Variants in WBP4 observed in about 807,000 individuals in gnomAD.
WBP4 encodes the protein WW domain-binding protein 4.
A neutral mutation model predicts 55.4 loss-of-function variants in WBP4; 37 were observed. That is an observed-to-expected ratio of 0.67 (90% CI 0.51 to 0.88). WBP4 has a LOEUF of 0.88. Among genes scored for constraint, WBP4 ranks in the 40% least tolerant of loss-of-function variants. WBP4 has a pLI of 0.00. For missense variants in WBP4, 398 were observed against 420.8 expected, an observed-to-expected ratio of 0.95 and a Z score of 0.47; for synonymous variants, 142 against 140.2, an observed-to-expected ratio of 1.01 and a Z score of -0.09.
chr13:41,062,147 T>C, intron 1 of WBP4: 1 of 554,116 alleles, frequency 1.8e-6, no homozygotes, highest in South Asian at 8.1e-5. Flanking sequence ...CGAAGTCCCA[T>C]GGCTTTTCCA....
intron 8 of WBP4, among the ~76,000 whole-genome samples, chr13:41,079,545 A>G (rs868086255): frequency 0.011 from 1,582 of 149,810 alleles, 27 homozygotes; most frequent in African/African-American, 0.037. Flanking sequence ...CCGTCTCAAA[A>G]AAAAAAAAAA....
intron 9 of WBP4, among the ~76,000 whole-genome samples, chr13:41,082,066 C>T (rs1455761919): frequency 6.6e-6 from 1 of 152,026 alleles, no homozygotes; most frequent in Admixed American, 6.6e-5. Flanking sequence ...GATATCAGGA[C>T]CACTCAACTG....
chr13:41,063,218 G>T (rs1877785014), intron 2 of WBP4, among the ~76,000 whole-genome samples: 2 of 152,242 alleles, frequency 1.3e-5, no homozygotes, highest in South Asian at 4.1e-4. Flanking sequence ...TTGTTAGTCT[G>T]TCTCATAGTT....
At chr13:41,068,043 C>T (rs1878053818) in intron 4 of WBP4, among the ~76,000 whole-genome samples, 1 of 151,724 alleles carries the variant, frequency 6.6e-6, no homozygotes. Context: ...TCTTTATTTC[C>T]TTTTTTTAAT....
At chr13:41,064,465 A>G (rs1671602237) in intron 2 of WBP4, among the ~76,000 whole-genome samples, 1 of 152,152 alleles carries the variant, frequency 6.6e-6, no homozygotes, top group Admixed American at 6.5e-5. Flanking sequence ...ATATTGCCAA[A>G]TTATCCTCCA....
Position 41,083,947 on chromosome 13 carries a change from C to T in WBP4, c.*1033C>T, listed in dbSNP as rs1878898631. ...TTAACTTATAATAGTTAATATTTGT[C>T]TTTTTAAGATGACTGTACATGTAAG... On this transcript the variant is annotated 3_prime_UTR_variant, in exon 10 of 10. Transcript: ENST00000379487. 1 of 152,044 alleles carries T rather than the reference C, an allele frequency of 6.6e-6. No homozygotes were observed. Among genetic ancestry groups the T allele is most frequent in the African/African-American group, 2.4e-5 (1 of 41,400 alleles). The allele number at this position is 152,044 out of a possible 1,614,324, so 9.4% of individuals were successfully genotyped here.
intron 1 of WBP4, chr13:41,062,146 A>T: frequency 1.3e-6 from 1 of 798,944 alleles, no homozygotes; most frequent in African/African-American, 2.4e-5. Context: ...ACGAAGTCCC[A>T]TGGCTTTTCC....
chr13:41,064,307 T>C (rs1396131355), intron 2 of WBP4, among the ~76,000 whole-genome samples: 7 of 152,170 alleles, frequency 4.6e-5, no homozygotes, highest in Admixed American at 3.9e-4. Flanking sequence ...CCCTTAGAGA[T>C]GGATACCGTA....
intron 5 of WBP4, 115 bp downstream of exon 5, chr13:41,068,852 G>A (rs1038046778): frequency 1.0e-4 from 119 of 1,181,552 alleles, no homozygotes; most frequent in African/African-American, 1.6e-4. Flanking sequence ...GTGAAAGACC[G>A]GTTTTTCATT....
chr13:41,065,842 T>A (rs1161088305), intron 4 of WBP4, among the ~76,000 whole-genome samples: 1 of 152,216 alleles, frequency 6.6e-6, no homozygotes, highest in East Asian at 1.9e-4. Context: ...GAATTTAGGC[T>A]TTAAACTGGG....
intron 5 of WBP4, among the ~76,000 whole-genome samples, chr13:41,070,525 G>T (rs1014081187): frequency 1.3e-5 from 2 of 151,670 alleles, no homozygotes. Flanking sequence ...ACTTAGATAC[G>T]AGATAAGGAA....
At position 41,082,957 on chromosome 13, in the gene WBP4, G is replaced by C; in HGVS notation, c.*43G>C. 1 of 1,579,562 alleles carries C rather than the reference G, an allele frequency of 6.3e-7. No individual in the cohort carries two copies. Among genetic ancestry groups the C allele is most frequent in the Non-Finnish European group, 8.7e-7 (1 of 1,152,930 alleles). On this transcript the variant is annotated 3_prime_UTR_variant, in exon 10 of 10. Coordinates refer to ENST00000379487, the MANE Select transcript of WBP4 (RefSeq NM_007187.5). The stretch of plus-strand genomic sequence containing the variant: ...GTACATGCTTTTAGGACAGAATGGA[G>C]ACTTATACACCCAAAGTTTATCTGT...
intron 5 of WBP4, among the ~76,000 whole-genome samples, chr13:41,069,225 A>G (rs1878120360): frequency 6.6e-6 from 1 of 152,202 alleles, no homozygotes; most frequent in Non-Finnish European, 1.5e-5. Flanking sequence ...GATACCCAAC[A>G]GAAAAATACA....
chr13:41,082,404 G>A (rs528103668), intron 9 of WBP4, among the ~76,000 whole-genome samples: 92 of 152,062 alleles, frequency 6.1e-4, no homozygotes, highest in East Asian at 1.9e-3. Context: ...TTGAGCCACC[G>A]CACCCAACCC....
chr13:41,072,190 C>A (rs1398637153), intron 6 of WBP4, among the ~76,000 whole-genome samples: 1 of 152,118 alleles, frequency 6.6e-6, no homozygotes, highest in Non-Finnish European at 1.5e-5. Flanking sequence ...GTGAGACATC[C>A]ACTGCTTGAA....
intron 9 of WBP4, among the ~76,000 whole-genome samples, chr13:41,082,413 C>G (rs1461113089): frequency 6.6e-6 from 1 of 152,106 alleles, no homozygotes; most frequent in Admixed American, 6.6e-5. Context: ...CGCACCCAAC[C>G]CCCTTATCCC....
rs762183920 is a variant in WBP4, at chr13:41,082,904, AT to A, written c.1122del (p.Asp374GlufsTer14). The A allele has an allele frequency of 6.2e-7, 1 of 1,614,070 alleles. No homozygotes were observed. Among genetic ancestry groups the A allele is most frequent in the Non-Finnish European group, 8.5e-7 (1 of 1,179,970 alleles). On this transcript the variant is annotated frameshift_variant, in exon 10 of 10. Transcript: ENST00000379487. LOFTEE classifies it high-confidence loss of function. ...TCTAGAAATTTAAGGCAACGAGGTG[AT>A]GATCAATAGTTGCAGGAGAGCTTTT... The part of the protein sequence containing the change: ...GKSRNLRQRG[D>X]DQ
chr13:41,070,571 G>A (rs1878195833), intron 5 of WBP4, among the ~76,000 whole-genome samples: 1 of 151,856 alleles, frequency 6.6e-6, no homozygotes, highest in African/African-American at 2.4e-5. Flanking sequence ...TAATGAATTA[G>A]ATACGTTGAA....
rs548257884 is a variant in WBP4 at position 41,062,035 on chromosome 13, C to G, written c.2+360C>G. 120 of 978,634 alleles carry G rather than the reference C, an allele frequency of 1.2e-4. No individual in the cohort carries two copies. The Middle Eastern group carries it at 1.6e-3, about 13-fold the overall frequency. The allele number at this position is 978,634 out of a possible 1,614,324, so 60.6% of individuals were successfully genotyped here. A position where few individuals can be genotyped will look rare whatever the true frequency, so the allele number is the denominator to read the frequency against. ...CCCTGAACCCTAGGGTATTGTGAAA[C>G]TAGGGCTGGGCTGCGGCCTCCCCCG... is the stretch of plus-strand genomic sequence containing the variant. On this transcript the variant is annotated intron_variant, in intron 1 of 9. Coordinates refer to ENST00000379487, the MANE Select transcript of WBP4 (RefSeq NM_007187.5).
Sources: allele counts gnomAD v4.1 joint callset (sites outside exome capture counted in the v4.1 genomes callset), GRCh38; gene constraint gnomAD v4.1.1; transcripts MANE v1.5; gene names NCBI Gene and HGNC (gene_info 2026-07-23, HGNC 2026-07-21).